The following ACTR8 variants were observed in gnomAD, a reference collection of about 807,000 sequenced individuals.
ACTR8 encodes actin related protein 8, also known as actin-related protein 8.
In ACTR8, 70 loss-of-function variants were observed where a neutral mutation model predicts 84.3. That is an observed-to-expected ratio of 0.83 (90% CI 0.68 to 1.01). The LOEUF is 1.01. ACTR8 is among the 50% of genes least tolerant of loss of function. The probability of loss-of-function intolerance (pLI) is 0.00; values close to 1 mark genes in which losing one functional copy is unlikely to be tolerated. For missense variants in ACTR8, 672 were observed against 775.4 expected, an observed-to-expected ratio of 0.87 and a Z score of 1.58; for synonymous variants, 268 against 275.2, an observed-to-expected ratio of 0.97 and a Z score of 0.26.
intron 1 of ACTR8, 92 bp from the exon 2 acceptor site, chr3:53,880,201 C>T (rs1000200108): frequency 7.7e-7 from 1 of 1,307,178 alleles, no homozygotes; most frequent in Non-Finnish European, 1.1e-6. Flanking sequence ...AACTAAGAAG[C>T]TGACTCAAAG....
chr3:53,879,133 A>G (rs1349732540), intron 2 of ACTR8, among the ~76,000 whole-genome samples: 2 of 152,248 alleles, frequency 1.3e-5, no homozygotes, highest in Non-Finnish European at 2.9e-5. Flanking sequence ...AAATGCCCAT[A>G]AATATCTTTA....
At chr3:53,881,297 C>A (rs1700055547) in intron 1 of ACTR8, among the ~76,000 whole-genome samples, 3 of 152,176 alleles carry the variant, frequency 2.0e-5, no homozygotes, top group Non-Finnish European at 2.9e-5. Flanking sequence ...ACTGCCTGTG[C>A]CCGTTTTCCT....
chr3:53,872,239 A>T, intron 10 of ACTR8, 145 bp downstream of exon 10: 1 of 959,782 alleles, frequency 1.0e-6, no homozygotes, highest in Non-Finnish European at 1.4e-6. Flanking sequence ...TTTTAAACTC[A>T]GACTTCAGTT....
In ACTR8 at chr3:53,880,073, C is replaced by G; in HGVS notation, c.160G>C (p.Gly54Arg). Residue 54 changes from glycine (G) to arginine (R), a missense_variant, in exon 2 of 13, where the codon GGT (glycine) becomes CGT (arginine). Coordinates refer to ENST00000335754, the MANE Select transcript of ACTR8 (RefSeq NM_022899.5). ...QSNFIIVIHP[G>R]STTLRIGRAT... Reference sequence around the variant, plus strand: ...CGACCAATCCTTAAAGTTGTTGAACCTGGATGTATGACAATGATGAAGTTG... The same window carrying G: ...CGACCAATCCTTAAAGTTGTTGAACGTGGATGTATGACAATGATGAAGTTG... 6.2e-7 allele frequency: 1 copy of G among 1,613,996 alleles called. No homozygotes were observed. The highest frequency in any genetic ancestry group is 1.1e-5 in the South Asian group (1 of 91,060).
At chr3:53,876,402 C>G (rs1378549747) in intron 6 of ACTR8, among the ~76,000 whole-genome samples, 1 of 151,834 alleles carries the variant, frequency 6.6e-6, no homozygotes, top group East Asian at 1.9e-4. Flanking sequence ...GCCTGTAGTC[C>G]CAGCCAATCA....
chr3:53,866,099 TA>T (rs1699770601), downstream of ACTR8, among the ~76,000 whole-genome samples: 1 of 152,226 alleles, frequency 6.6e-6, no homozygotes, highest in African/African-American at 2.4e-5. Flanking sequence ...ATGGTTTACT[TA>T]AATAAAAAAC....
intron 1 of ACTR8, among the ~76,000 whole-genome samples, chr3:53,881,103 C>A (rs1299694853): frequency 1.3e-5 from 2 of 152,226 alleles, no homozygotes; most frequent in African/African-American, 4.8e-5. Flanking sequence ...CAGGCCTGTG[C>A]AACAGTAATG....
chr3:53,864,605 G>GT (rs1031940749), downstream of ACTR8: 2 of 675,352 alleles, frequency 3.0e-6, no homozygotes, highest in African/African-American at 3.6e-5. Flanking sequence ...ACATCAGGAT[G>GT]TTTTTCCTTG....
chr3:53,871,411 G>A lies in ACTR8; in HGVS notation c.1388C>T (p.Pro463Leu). 1 of 1,614,220 alleles carries A rather than the reference G, an allele frequency of 6.2e-7. No homozygotes were observed. Residue 463 changes from proline (P) to leucine (L), a missense_variant, in exon 11 of 13, where the codon CCA becomes CTA. Pro to Leu is a moderately conservative substitution (Grantham distance 98). Transcript: ENST00000335754. ...TACCTCCTGGGAATGGAGTCTTTCT[G>A]GAAGATCAGAGGACTGGCCACGAAG... is the stretch of plus-strand genomic sequence containing the variant. ...GDLRGQSSDLPERLHSQEVDL... is the reference protein window; with the variant it reads ...GDLRGQSSDLLERLHSQEVDL...
intron 6 of ACTR8, 30 bp from the exon 7 acceptor site, chr3:53,876,110 T>G (rs746637931): frequency 6.2e-7 from 1 of 1,612,184 alleles, no homozygotes; most frequent in Admixed American, 1.7e-5. Flanking sequence ...GGCAGAGTAG[T>G]CATTAGCTGT....
rs116088102 is a variant in ACTR8 at position 53,871,663 on chromosome 3, G to A, written c.1303-167C>T. Reference sequence around the variant, plus strand: ...AGGTAACTTAGGAATGAGAGACGGTGCACAGATGAAGATGCTTTGACCATT... The same window carrying A: ...AGGTAACTTAGGAATGAGAGACGGTACACAGATGAAGATGCTTTGACCATT... On this transcript the variant is annotated intron_variant, in intron 10 of 12. Transcript: ENST00000335754. Among the ~76,000 whole-genome samples the A allele has an allele frequency of 6.6e-3, 1,004 of 152,324 alleles. 15 individuals are homozygous for A. Among genetic ancestry groups the A allele is most frequent in the African/African-American group, 0.023 (940 of 41,578 alleles).
the ACTR8 span, chr3:53,860,141 C>T: frequency 6.2e-7 from 1 of 1,613,514 alleles, no homozygotes; most frequent in South Asian, 1.1e-5. Context: ...CAAAAGCAAG[C>T]CGGGAGGCTG....
chr3:53,875,992 T>TA lies in ACTR8; in HGVS notation c.866_867insT (p.Ser290LysfsTer24). On this transcript the variant is annotated frameshift_variant, in exon 7 of 13. Transcript: ENST00000335754. LOFTEE classifies it high-confidence loss of function. ...CCCCATCCTCCACACAGCATACACT[T>TA]GTCTTCTGGTCCCCAACGTCTACAA... is the stretch of plus-strand genomic sequence containing the variant. 1 of 1,614,188 alleles carries TA rather than the reference T, an allele frequency of 6.2e-7. No homozygotes were observed. The highest frequency in any genetic ancestry group is 8.5e-7 in the Non-Finnish European group (1 of 1,180,038).
the ACTR8 span, chr3:53,861,336 A>C: frequency 7.2e-4 from 109 of 152,258 alleles, no homozygotes; most frequent in African/African-American, 2.5e-3. Flanking sequence ...AAATTGCTTG[A>C]TATGTACCAT....
At chr3:53,873,236 C>A in intron 8 of ACTR8, 109 bp from the exon 9 acceptor site, 1 of 761,802 alleles carries the variant, frequency 1.3e-6, no homozygotes, top group South Asian at 1.6e-5. Flanking sequence ...AAAAGGCCAA[C>A]CTACAGCTTT....
intron 5 of ACTR8, 129 bp from the exon 6 acceptor site, chr3:53,876,842 A>C: frequency 1.9e-6 from 1 of 533,192 alleles, no homozygotes; most frequent in Non-Finnish European, 3.3e-6. Flanking sequence ...TAAAGCTCAA[A>C]CCTCTGTACT....
At chr3:53,876,106 G>A (rs1321036735) in intron 6 of ACTR8, 26 bp from the exon 7 acceptor site, 3 of 1,612,400 alleles carry the variant, frequency 1.9e-6, no homozygotes, top group Admixed American at 1.7e-5. Flanking sequence ...AAAAGGCAGA[G>A]TAGTCATTAG....
At position 53,875,955 on chromosome 3, in the gene ACTR8, T is replaced by A. The variant is rs1317776438; in HGVS notation, c.904A>T (p.Asn302Tyr). Residue 302 changes from asparagine to tyrosine, a missense_variant, in exon 7 of 13, where the codon AAT becomes TAT. Physicochemically the swap from Asn to Tyr is moderately radical, Grantham distance 143. Transcript: ENST00000335754. ...ACCTTCCAAGTTCCTTACCGAGTAT[T>A]CCGATGAGACACCCCATCCTCCACA... The part of the protein sequence containing the change: ...CCVEDGVSHR[N>Y]TRLCLAYGGS... The A allele has an allele frequency of 1.9e-6, 3 of 1,614,188 alleles. No individual in the cohort carries two copies. In the East Asian group the frequency reaches 6.7e-5, roughly 36 times the overall value.
Position 53,872,504 on chromosome 3 carries a change from G to C in ACTR8, c.1182C>G (p.Tyr394Ter). The change falls in exon 10 of 13, where the codon TAC (tyrosine) becomes TAG (stop). Residue 394 changes from tyrosine (Y) to a stop codon, truncating the protein, a stop_gained. Transcript: ENST00000335754. LOFTEE classifies it high-confidence loss of function. ...EKLQAPMALF[Y>*]PATFGIVGQK... ...GTCCAACGATTCCAAAAGTTGCGGG[G>C]TAAAACAAAGCCATTGGAGCCTGTA... 1 of 1,608,568 alleles carries C rather than the reference G, an allele frequency of 6.2e-7. No homozygotes were observed. Among genetic ancestry groups the C allele is most frequent in the Non-Finnish European group, 8.5e-7 (1 of 1,178,104 alleles).
Sources: gnomAD v4.1 joint callset for allele counts (sites outside exome capture counted in the v4.1 genomes callset) on GRCh38, gnomAD v4.1.1 for gene constraint, MANE v1.5 for transcripts, NCBI Gene and HGNC (gene_info 2026-07-23, HGNC 2026-07-21) for gene names.